KRT6C: variants seen among roughly 807,000 people sequenced by gnomAD.
KRT6C encodes the protein keratin, type II cytoskeletal 6C.
Under a neutral mutation model 49.4 loss-of-function variants are expected in KRT6C, and 46 were observed. The observed-to-expected ratio is 0.93, with a 90% CI of 0.74 to 1.19. The LOEUF is 1.19. Among genes scored for constraint, KRT6C ranks in the 50% most tolerant of loss-of-function variants. The probability of loss-of-function intolerance (pLI) is 0.00; values close to 1 mark genes in which losing one functional copy is unlikely to be tolerated. For missense variants in KRT6C, 552 were observed against 737.5 expected, an observed-to-expected ratio of 0.75 and a Z score of 2.91; for synonymous variants, 236 against 297.1, an observed-to-expected ratio of 0.79 and a Z score of 2.12.
In KRT6C at chr12:52,468,900, G is replaced by A. The variant is rs948932336; in HGVS notation, c.*162C>T. On this transcript the variant is annotated 3_prime_UTR_variant, in exon 9 of 9. Transcript: ENST00000252250. ...GAGCAATGGGTGCTCAGATGGGGCA[G>A]GTATAGACAGAGAGAAGTGAGGGCA... 4 of 818,730 alleles carry A rather than the reference G, an allele frequency of 4.9e-6. No homozygotes were observed. Among genetic ancestry groups the A allele is most frequent in the African/African-American group, 3.4e-5 (2 of 58,256 alleles). The allele number at this position is 818,730 out of a possible 1,614,324, so 50.7% of individuals were successfully genotyped here. A position where few individuals can be genotyped will look rare whatever the true frequency, so the allele number is the denominator to read the frequency against.
chr12:52,470,325 G>A (rs1937852768), intron 6 of KRT6C, 180 bp downstream of exon 6: 5 of 1,111,184 alleles, frequency 4.5e-6, no homozygotes, highest in Admixed American at 4.0e-5. Context: ...TGCCTCAGAG[G>A]CTCATCCTCT....
In KRT6C at chr12:52,473,382, G is replaced by T; in HGVS notation, c.356C>A (p.Ala119Asp). The change falls in exon 1 of 9, where the codon GCT (alanine) becomes GAT (aspartate). Residue 119 changes from alanine (A) to aspartate (D), a missense_variant. Physicochemically the swap from Ala to Asp is moderately radical, Grantham distance 126 (BLOSUM62 -2). Around this residue, in one of 3 missense-constraint regions of KRT6C, gnomAD observed 54 missense variants for 195.9 expected, o/e 0.28. Transcript: ENST00000252250. ...GAAGCCAGGGCCCCCAAAGCCACCA[G>T]CAAGGCCGGCTCCACCACCCAGACC... Reference protein sequence around the residue: ...GFGLGGGAGLAGGFGGPGFPV... With the variant: ...GFGLGGGAGLDGGFGGPGFPV... 7.3e-7 allele frequency: 1 copy of T among 1,364,020 alleles called. No homozygotes were observed. Among genetic ancestry groups the T allele is most frequent in the Non-Finnish European group, 1.0e-6 (1 of 988,766 alleles). 84.5% of individuals were successfully genotyped at this position (1,364,020 alleles called of 1,614,324 possible).
At chr12:52,470,394 T>C in intron 6 of KRT6C, 111 bp downstream of exon 6, 1 of 1,582,748 alleles carries the variant, frequency 6.3e-7, no homozygotes, top group South Asian at 1.1e-5. Flanking sequence ...CACATGTTCC[T>C]CACCCTAGTG....
intron 5 of KRT6C, among the ~76,000 whole-genome samples, 174 bp from the exon 6 acceptor site, chr12:52,470,804 C>A (rs74093592): frequency 1.3e-5 from 2 of 152,006 alleles, no homozygotes; most frequent in Admixed American, 6.6e-5. Flanking sequence ...GAGTCACAGA[C>A]GATCCTCATT....
chr12:52,471,489 C>T lies in KRT6C; in HGVS notation c.844G>A (p.Val282Ile), dbSNP rs754041908. ...GTGTCTGCCTTGGCTTGCAGTTCAA[C>T]CTTGTTCATGTAGGCAGCATCCACA... ...KDVDAAYMNK[V>I]ELQAKADTLT... Residue 282 changes from valine (V) to isoleucine (I), a missense_variant, in exon 4 of 9, where the codon GTT becomes ATT. Val to Ile is a conservative substitution (Grantham distance 29). Around this residue, in one of 3 missense-constraint regions of KRT6C, gnomAD observed 425 missense variants for 439.4 expected, o/e 0.97. Coordinates refer to ENST00000252250, the MANE Select transcript of KRT6C (RefSeq NM_173086.5). 1 of 1,613,612 alleles carries T rather than the reference C, an allele frequency of 6.2e-7. No individual in the cohort carries two copies. Among genetic ancestry groups the T allele is most frequent in the South Asian group, 1.1e-5 (1 of 91,060 alleles).
At position 52,468,966 on chromosome 12, in the gene KRT6C, G is replaced by A. The variant is rs1240697537; in HGVS notation, c.*96C>T. The A allele has an allele frequency of 6.6e-7, 1 of 1,506,818 alleles. No individual in the cohort carries two copies. Among genetic ancestry groups the A allele is most frequent in the Non-Finnish European group, 9.2e-7 (1 of 1,090,426 alleles). The allele number at this position is 1,506,818 out of a possible 1,614,324, so 93.3% of individuals were successfully genotyped here. A position where few individuals can be genotyped will look rare whatever the true frequency, so the allele number is the denominator to read the frequency against. ...CAGCTCTACCTCGGAGAGCAGGGAA[G>A]ACTAGAGGCCAGGAGAGGATAGGCA... On this transcript the variant is annotated 3_prime_UTR_variant, in exon 9 of 9. Coordinates refer to ENST00000252250, the MANE Select transcript of KRT6C (RefSeq NM_173086.5).
In KRT6C at chr12:52,472,370, C is replaced by A. The variant is rs1200610503; in HGVS notation, c.541-90G>T. The A allele has an allele frequency of 9.5e-6, 11 of 1,156,064 alleles. 3 individuals carry two copies. The highest frequency in any genetic ancestry group is 1.4e-5 in the Non-Finnish European group (11 of 801,752). 71.6% of individuals were successfully genotyped at this position (1,156,064 alleles called of 1,614,324 possible). A position where few individuals can be genotyped will look rare whatever the true frequency, so the allele number is the denominator to read the frequency against. On this transcript the variant is annotated intron_variant, in intron 1 of 8. Coordinates refer to ENST00000252250, the MANE Select transcript of KRT6C (RefSeq NM_173086.5). Reference sequence around the variant, plus strand: ...GTTTCCTGGCAGGTCTTGGAGGTCCCCATGGTGCTGGGCTACTACAGTGCA... The same window carrying A: ...GTTTCCTGGCAGGTCTTGGAGGTCCACATGGTGCTGGGCTACTACAGTGCA...
chr12:52,471,829 C>G, intron 2 of KRT6C, 97 bp from the exon 3 acceptor site: 1 of 1,451,652 alleles, frequency 6.9e-7, no homozygotes, highest in Non-Finnish European at 9.7e-7. Context: ...GGAATATATT[C>G]TAATTGAGCT....
In KRT6C at chr12:52,468,978, G is replaced by A; in HGVS notation, c.*84C>T. The A allele has an allele frequency of 6.3e-7, 1 of 1,577,256 alleles. No individual in the cohort carries two copies. The highest frequency in any genetic ancestry group is 1.3e-5 in the African/African-American group (1 of 74,240). On this transcript the variant is annotated 3_prime_UTR_variant, in exon 9 of 9. Coordinates refer to ENST00000252250, the MANE Select transcript of KRT6C (RefSeq NM_173086.5). ...GGAGAGCAGGGAAGACTAGAGGCCA[G>A]GAGAGGATAGGCAACCTGAGGAGAC... is the stretch of plus-strand genomic sequence containing the variant.
At chr12:52,472,397 G>A in intron 1 of KRT6C, 117 bp from the exon 2 acceptor site, 1 of 965,952 alleles carries the variant, frequency 1.0e-6, no homozygotes, top group Non-Finnish European at 1.6e-6. Flanking sequence ...TACAGTGCAT[G>A]TGGAGAGGCT....
At chr12:52,471,383 C>T (rs1438497391) in intron 4 of KRT6C, 38 bp downstream of exon 4, 3 of 1,613,902 alleles carry the variant, frequency 1.9e-6, no homozygotes, top group Non-Finnish European at 2.5e-6. Flanking sequence ...CTTTGCAGAC[C>T]CCATCAGAGT....
At position 52,472,360 on chromosome 12, in the gene KRT6C, T is replaced by C. The variant is rs1370552960; in HGVS notation, c.541-80A>G. 14 of 1,247,134 alleles carry C rather than the reference T, an allele frequency of 1.1e-5. 1 individual carries two copies. The African/African-American group carries it at 1.4e-4, about 12-fold the overall frequency. The allele number at this position is 1,247,134 out of a possible 1,614,324, so 77.3% of individuals were successfully genotyped here. On this transcript the variant is annotated intron_variant, in intron 1 of 8. Transcript: ENST00000252250. Reference sequence around the variant, plus strand: ...CTGGTATCCAGTTTCCTGGCAGGTCTTGGAGGTCCCCATGGTGCTGGGCTA... The same window carrying C: ...CTGGTATCCAGTTTCCTGGCAGGTCCTGGAGGTCCCCATGGTGCTGGGCTA...
At chr12:52,472,900 T>C in intron 1 of KRT6C, among the ~76,000 whole-genome samples, 1 of 145,544 alleles carries the variant, frequency 6.9e-6, no homozygotes, top group Non-Finnish European at 1.5e-5. Context: ...CTTTGTAATC[T>C]CTTAAACACT....
intron 1 of KRT6C, 72 bp downstream of exon 1, chr12:52,473,126 C>G (rs1230180844): frequency 7.2e-7 from 1 of 1,386,864 alleles, no homozygotes; most frequent in Admixed American, 1.9e-5. Flanking sequence ...CTAGGTCTCC[C>G]TAGCAGGAAG....
Position 52,470,512 on chromosome 12 carries a change from T to G in KRT6C, c.1196A>C (p.Lys399Thr), listed in dbSNP as rs1456127528. ...QRLRSEIDHV[K>T]KQCASLQAAI... is the part of the protein sequence containing the mutation. ...CACTGCACCTCACTGTACCTGCTTC[T>G]TGACATGGTCGATCTCAGATCTCAG... The change falls in exon 6 of 9, where the codon AAG becomes ACG. Residue 399 changes from lysine (K) to threonine (T), a missense_variant. Lys to Thr is a moderately conservative substitution (Grantham distance 78, BLOSUM62 -1). Coordinates refer to ENST00000252250, the MANE Select transcript of KRT6C (RefSeq NM_173086.5). The G allele has an allele frequency of 1.4e-5, 23 of 1,614,196 alleles. No homozygotes were observed. Among genetic ancestry groups the G allele is most frequent in the Non-Finnish European group, 1.9e-5 (23 of 1,180,034 alleles).
chr12:52,468,820 T>C lies in KRT6C; in HGVS notation c.*242A>G, dbSNP rs1937818236. On this transcript the variant is annotated 3_prime_UTR_variant, in exon 9 of 9. Transcript: ENST00000252250. ...AGAAATTAATAATTTAGTAACAAAG[T>C]GAAGCTCCATTGGTGAATACATTAT... 3 of 562,092 alleles carry C rather than the reference T, an allele frequency of 5.3e-6. No homozygotes were observed. Among genetic ancestry groups the C allele is most frequent in the Non-Finnish European group, 3.2e-6 (1 of 316,744 alleles). 34.8% of individuals were successfully genotyped at this position (562,092 alleles called of 1,614,324 possible). A position where few individuals can be genotyped will look rare whatever the true frequency, so the allele number is the denominator to read the frequency against.
rs1937874925 is a variant in KRT6C at position 52,471,234 on chromosome 12, G to A, written c.975C>T (p.Asn325=). ...TGATGCTGTCCAGGTCCAGGTTGCG[G>A]TTGTTGTCCATGGATAGCACCACGG... ...DTSVVLSMDN[N]RNLDLDSIIA... is the part of the protein sequence containing the mutation. Residue 325 remains asparagine (N), a synonymous_variant, in exon 5 of 9, where the codon AAC becomes AAT. Coordinates refer to ENST00000252250, the MANE Select transcript of KRT6C (RefSeq NM_173086.5). 2.5e-6 allele frequency: 4 copies of A among 1,614,204 alleles called. 1 individual carries two copies. In the Middle Eastern group the frequency reaches 4.9e-4, roughly 200 times the overall value.
Position 52,471,207 on chromosome 12 carries a change from G to T in KRT6C, c.1002C>A (p.Ile334=). The change falls in exon 5 of 9, where the codon ATC becomes ATA. Residue 334 remains isoleucine, a synonymous_variant. Transcript: ENST00000252250. Reference sequence around the variant, plus strand: ...CCTCGTATTGGGCCTTGACCTCAGCGATGATGCTGTCCAGGTCCAGGTTGC... The same window carrying T: ...CCTCGTATTGGGCCTTGACCTCAGCTATGATGCTGTCCAGGTCCAGGTTGC... ...NNRNLDLDSI[I]AEVKAQYEEI... 3 of 1,614,184 alleles carry T rather than the reference G, an allele frequency of 1.9e-6. No individual in the cohort carries two copies. The highest frequency in any genetic ancestry group is 2.5e-6 in the Non-Finnish European group (3 of 1,180,040).
rs1937819617 is a variant in KRT6C at position 52,468,896 on chromosome 12, G to A, written c.*166C>T. 7.7e-6 allele frequency: 6 copies of A among 775,678 alleles called. 1 individual carries two copies. The African/African-American group carries it at 1.0e-4, about 14-fold the overall frequency. The allele number at this position is 775,678 out of a possible 1,614,324, so 48.0% of individuals were successfully genotyped here. Reference sequence around the variant, plus strand: ...TGGTGAGCAATGGGTGCTCAGATGGGGCAGGTATAGACAGAGAGAAGTGAG... The same window carrying A: ...TGGTGAGCAATGGGTGCTCAGATGGAGCAGGTATAGACAGAGAGAAGTGAG... On this transcript the variant is annotated 3_prime_UTR_variant, in exon 9 of 9. Transcript: ENST00000252250.
Sources: allele counts gnomAD v4.1 joint callset (sites outside exome capture counted in the v4.1 genomes callset), GRCh38; gene constraint gnomAD v4.1.1; regional missense constraint gnomAD v4.1.1; transcripts MANE v1.5; gene names NCBI Gene and HGNC (gene_info 2026-07-23, HGNC 2026-07-21).